EFHC2: variants seen among roughly 807,000 people sequenced by gnomAD.
EFHC2 encodes the protein EF-hand domain-containing family member C2.
A neutral mutation model predicts 52.7 loss-of-function variants in EFHC2; 18 were observed. The observed-to-expected ratio is 0.34, with a 90% CI of 0.24 to 0.51. The LOEUF (loss-of-function observed/expected upper bound fraction) is 0.51, where lower values mean the gene tolerates loss of function less well. Ranked by LOEUF, EFHC2 falls within the 20% of genes least tolerant of loss-of-function variation. EFHC2 has a pLI of 0.97. For synonymous variants in EFHC2, 203 were observed against 204.1 expected (o/e 0.99, Z 0.04); for missense variants, 513 against 562.5 (o/e 0.91, Z 0.89).
chrX:44,284,602 A>G (rs1177450498), intron 2 of EFHC2: 1 of 111,667 alleles, frequency 9.0e-6, no homozygotes, highest in African/African-American at 3.3e-5. Context: ...TTGCTCCTCA[A>G]AAAGAGAAAG....
At chrX:44,329,925 T>C (rs1285410348) in intron 1 of EFHC2, among the ~76,000 whole-genome samples, 2 of 108,604 alleles carry the variant, frequency 1.8e-5, no homozygotes, top group Admixed American at 1.0e-4. Flanking sequence ...AAATATAAAA[T>C]GTAAAACTAT....
At position 44,175,315 on chromosome X, in the gene EFHC2, T is replaced by C. The variant is rs2036777878; in HGVS notation, c.2042+977A>G. Among the ~76,000 whole-genome samples, 6 of 111,770 alleles carry C rather than the reference T, an allele frequency of 5.4e-5. No homozygotes were observed. The Admixed American group carries it at 5.7e-4, about 11-fold the overall frequency. Reference sequence around the variant, plus strand: ...AGACCAATGTGGTGGCACCGCAGTATTTAAGAAGCAATGTGGGTCAGAACA... The same window carrying C: ...AGACCAATGTGGTGGCACCGCAGTACTTAAGAAGCAATGTGGGTCAGAACA... On this transcript the variant is annotated intron_variant, in intron 13 of 14. Transcript: ENST00000420999.
chrX:44,202,474 G>A (rs2037014468), intron 11 of EFHC2, among the ~76,000 whole-genome samples: 1 of 112,004 alleles, frequency 8.9e-6, no homozygotes, highest in Admixed American at 9.4e-5. Flanking sequence ...ACTAGAAAAT[G>A]TAATTTTAAA....
At chrX:44,186,163 T>C (rs61015890) in intron 11 of EFHC2, among the ~76,000 whole-genome samples, 29,558 of 110,852 alleles carry the variant, frequency 0.27, 2,964 homozygotes, top group Middle Eastern at 0.35. Context: ...CCTGTTTAAG[T>C]GTAGCCAAAC....
chrX:44,213,024 T>C (rs968572526), intron 11 of EFHC2, among the ~76,000 whole-genome samples: 2 of 108,694 alleles, frequency 1.8e-5, no homozygotes, highest in African/African-American at 6.7e-5. Context: ...CCACAGTTCC[T>C]TTCACCCAGT....
chrX:44,211,380 T>C (rs7064013), intron 11 of EFHC2, among the ~76,000 whole-genome samples: 32,753 of 108,515 alleles, frequency 0.3, 3,961 homozygotes, highest in African/African-American at 0.43. Flanking sequence ...ATACAAAAAT[T>C]AGCCAGGCGT....
chrX:44,201,757 G>T (rs1404848704), intron 11 of EFHC2, among the ~76,000 whole-genome samples: 1 of 111,873 alleles, frequency 8.9e-6, no homozygotes, highest in African/African-American at 3.2e-5. Context: ...TTTACAAGCT[G>T]CTTTAAGAAA....
chrX:44,293,599 G>A (rs2037808103), intron 2 of EFHC2, among the ~76,000 whole-genome samples: 1 of 111,521 alleles, frequency 9.0e-6, no homozygotes, highest in Non-Finnish European at 1.9e-5. Context: ...GATACTGATG[G>A]ACTCACTCTT....
At chrX:44,289,942 A>T (rs1282833785) in intron 2 of EFHC2, among the ~76,000 whole-genome samples, 1 of 111,540 alleles carries the variant, frequency 9.0e-6, no homozygotes, top group Non-Finnish European at 1.9e-5. Flanking sequence ...CGGCCTCCCA[A>T]AGTGCTGGGA....
intron 1 of EFHC2, among the ~76,000 whole-genome samples, chrX:44,330,321 C>T (rs1372027629): frequency 9.0e-6 from 1 of 110,649 alleles, no homozygotes; most frequent in African/African-American, 3.3e-5. Flanking sequence ...TTAGACTTGA[C>T]ACCAAAAGCA....
At chrX:44,326,930 T>C (rs1396602930) in intron 1 of EFHC2, among the ~76,000 whole-genome samples, 1 of 108,680 alleles carries the variant, frequency 9.2e-6, no homozygotes, top group Non-Finnish European at 1.9e-5. Context: ...GGTTTCACCA[T>C]GTTGACTAGG....
chrX:44,164,575 G>T (rs748671525), intron 13 of EFHC2, among the ~76,000 whole-genome samples: 1 of 111,906 alleles, frequency 8.9e-6, no homozygotes, highest in South Asian at 3.7e-4. Context: ...ATATGTTCTT[G>T]ATACACGGTT....
chrX:44,155,814 T>A, intron 14 of EFHC2, among the ~76,000 whole-genome samples: 1 of 112,860 alleles, frequency 8.9e-6, no homozygotes, highest in Middle Eastern at 4.6e-3. Flanking sequence ...AGCAATTAAA[T>A]TTTAAGCAAA....
At chrX:44,173,975 G>A (rs1276498569) in intron 13 of EFHC2, among the ~76,000 whole-genome samples, 1 of 111,704 alleles carries the variant, frequency 9.0e-6, no homozygotes, top group African/African-American at 3.3e-5. Context: ...TTCCTGACTA[G>A]AAGACAGCTT....
At chrX:44,157,736 A>ACCCCCCCCCCCCC (rs1348786049) in intron 14 of EFHC2, among the ~76,000 whole-genome samples, 3 of 66,668 alleles carry the variant, frequency 4.5e-5, no homozygotes, top group Non-Finnish European at 8.2e-5. Flanking sequence ...TGAGTGCTCC[A>ACCCCCCCCCCCCC]CCCCCCTCCC....
intron 13 of EFHC2, among the ~76,000 whole-genome samples, chrX:44,172,682 C>T (rs1439029940): frequency 8.9e-6 from 1 of 112,219 alleles, no homozygotes; most frequent in East Asian, 2.8e-4. Context: ...GCCTGGAGCA[C>T]AGTCTTTCAG....
At chrX:44,219,653 T>G in intron 11 of EFHC2, among the ~76,000 whole-genome samples, 1 of 112,213 alleles carries the variant, frequency 8.9e-6, no homozygotes, top group Middle Eastern at 4.6e-3. Flanking sequence ...TAAAACATGC[T>G]AATTTGATAG....
chrX:44,205,929 C>A (rs2037045319), intron 11 of EFHC2, among the ~76,000 whole-genome samples: 1 of 111,516 alleles, frequency 9.0e-6, no homozygotes, highest in South Asian at 3.7e-4. Flanking sequence ...GAATATACAT[C>A]CTTCTCATCT....
intron 13 of EFHC2, among the ~76,000 whole-genome samples, chrX:44,164,913 T>A (rs1479942904): frequency 1.8e-5 from 2 of 111,909 alleles, no homozygotes; most frequent in Admixed American, 9.5e-5. Context: ...AATTCTTCCT[T>A]AACCATAATA....
Sources: allele counts gnomAD v4.1 joint callset (sites outside exome capture counted in the v4.1 genomes callset), GRCh38; gene constraint gnomAD v4.1.1; transcripts MANE v1.5; gene names NCBI Gene and HGNC (gene_info 2026-07-23, HGNC 2026-07-21).